AFG1L: variants seen among roughly 807,000 people sequenced by gnomAD.
AFG1L encodes the protein AFG1-like ATPase.
AFG1L carries 53 observed loss-of-function variants against 62.2 expected under a neutral mutation model. The observed-to-expected ratio is 0.85, with a 90% confidence interval of 0.68 to 1.07. The LOEUF (loss-of-function observed/expected upper bound fraction) is 1.07, where lower values mean the gene tolerates loss of function less well. Among genes scored for constraint, AFG1L ranks in the 50% least tolerant of loss-of-function variants. The pLI is 0.00. For synonymous variants in AFG1L, 228 were observed against 210.3 expected, an observed-to-expected ratio of 1.08 and a Z score of -0.73; for missense variants, 555 against 590.5, an observed-to-expected ratio of 0.94 and a Z score of 0.62.
At chr6:108,375,282 A>G (rs1390217076) in intron 6 of AFG1L, among the ~76,000 whole-genome samples, 1 of 152,160 alleles carries the variant, frequency 6.6e-6, no homozygotes, top group African/African-American at 2.4e-5. Flanking sequence ...GAAGAAAAAT[A>G]GTTTGATTTC....
At chr6:108,397,786 A>G (rs1382687469) in intron 6 of AFG1L, among the ~76,000 whole-genome samples, 6 of 152,216 alleles carry the variant, frequency 3.9e-5, no homozygotes, top group African/African-American at 1.2e-4. Context: ...TGCAAGTTCC[A>G]TTCTTTTTTA....
At chr6:108,341,447 A>T (rs1055646420) in intron 2 of AFG1L, among the ~76,000 whole-genome samples, 10 of 152,276 alleles carry the variant, frequency 6.6e-5, no homozygotes, top group Admixed American at 3.9e-4. Flanking sequence ...ATTGGTAAGC[A>T]CATTATGTTT....
At chr6:108,344,536 T>G (rs1162235292) in intron 2 of AFG1L, among the ~76,000 whole-genome samples, 1 of 152,148 alleles carries the variant, frequency 6.6e-6, no homozygotes. Context: ...TAGTATGCTA[T>G]GATCATGCCA....
intron 2 of AFG1L, among the ~76,000 whole-genome samples, chr6:108,334,909 GCC>G (rs1278228879): frequency 6.6e-6 from 1 of 152,054 alleles, no homozygotes; most frequent in Non-Finnish European, 1.5e-5. Flanking sequence ...TGCTAAAGCT[GCC>G]CACCCTCCAT....
chr6:108,477,810 GAA>G (rs1175186821), intron 10 of AFG1L, among the ~76,000 whole-genome samples: 1 of 152,070 alleles, frequency 6.6e-6, no homozygotes, highest in East Asian at 1.9e-4. Flanking sequence ...GTTCAACAGA[GAA>G]AAAATGTTTA....
At chr6:108,369,224 G>A (rs1420066547) in intron 6 of AFG1L, among the ~76,000 whole-genome samples, 2 of 152,140 alleles carry the variant, frequency 1.3e-5, no homozygotes, top group Non-Finnish European at 2.9e-5. Context: ...GGTCCAGGGT[G>A]AGGAGGTGTT....
intron 2 of AFG1L, among the ~76,000 whole-genome samples, chr6:108,333,601 G>A (rs371015811): frequency 7.3e-5 from 11 of 151,682 alleles, no homozygotes; most frequent in Admixed American, 7.2e-4. Context: ...TAATAATAAA[G>A]AATATATAAA....
intron 6 of AFG1L, among the ~76,000 whole-genome samples, chr6:108,377,714 A>G (rs983045668): frequency 1.1e-4 from 16 of 151,534 alleles, no homozygotes; most frequent in African/African-American, 3.6e-4. Flanking sequence ...TATGGTGACT[A>G]TATATGTCTT....
rs146986090 is a variant in AFG1L at position 108,339,708 on chromosome 6, C to T, written c.364-7280C>T. Reference sequence around the variant, plus strand: ...CTCCTGACCTCCCGCCTTGGCCTCCCAAAGTGCTGGATTACAGGTGTGAAC... The same window carrying T: ...CTCCTGACCTCCCGCCTTGGCCTCCTAAAGTGCTGGATTACAGGTGTGAAC... On this transcript the variant is annotated intron_variant, in intron 2 of 12. Coordinates refer to ENST00000368977, the MANE Select transcript of AFG1L (RefSeq NM_145315.5). 2.0e-3 allele frequency among the ~76,000 whole-genome samples: 303 copies of T among 152,122 alleles called. 2 individuals are homozygous for T. The highest frequency in any genetic ancestry group is 6.8e-3 in the African/African-American group (283 of 41,506).
chr6:108,361,707 C>T (rs1779536220), intron 5 of AFG1L, among the ~76,000 whole-genome samples: 1 of 152,160 alleles, frequency 6.6e-6, no homozygotes, highest in South Asian at 2.1e-4. Flanking sequence ...GTTTCCCTCA[C>T]ACCCTAACAT....
At chr6:108,321,956 C>T (rs2114293116) in intron 1 of AFG1L, among the ~76,000 whole-genome samples, 1 of 152,110 alleles carries the variant, frequency 6.6e-6, no homozygotes, top group South Asian at 2.1e-4. Context: ...GGTCATAGCT[C>T]ACTGCAGCCT....
At chr6:108,313,368 T>C (rs1287912759) in intron 1 of AFG1L, among the ~76,000 whole-genome samples, 1 of 152,212 alleles carries the variant, frequency 6.6e-6, no homozygotes, top group Non-Finnish European at 1.5e-5. Context: ...AGGGTAGTTG[T>C]GAAGATCGAA....
Position 108,431,006 on chromosome 6 carries a change from A to G in AFG1L, c.808-16208A>G, listed in dbSNP as rs1037475238. On this transcript the variant is annotated intron_variant, in intron 7 of 12. Transcript: ENST00000368977. ...CTGGCACATAGCTATTAGAATGCAA[A>G]CTAGTACCTTAGATCATTCACATCA... is the stretch of plus-strand genomic sequence containing the variant. Among the ~76,000 whole-genome samples, 12 of 152,366 alleles carry G rather than the reference A, an allele frequency of 7.9e-5. 1 individual carries two copies. The South Asian group carries it at 2.5e-3, about 32-fold the overall frequency.
At position 108,494,630 on chromosome 6, in the gene AFG1L, G is replaced by C. The variant is rs116761774; in HGVS notation, c.1063-15582G>C. On this transcript the variant is annotated intron_variant, in intron 10 of 12. Transcript: ENST00000368977. ...AGAATTGGTGATATTTTCTAGAATGGTGAGATATTTCCCAGCTGGGTGTTT... is the reference window on the plus strand; with the variant it reads ...AGAATTGGTGATATTTTCTAGAATGCTGAGATATTTCCCAGCTGGGTGTTT... 6.3e-4 allele frequency among the ~76,000 whole-genome samples: 96 copies of C among 152,208 alleles called. 1 individual carries two copies. The highest frequency in any genetic ancestry group is 2.2e-3 in the African/African-American group (92 of 41,512).
chr6:108,450,820 C>G (rs1231554591), intron 8 of AFG1L, among the ~76,000 whole-genome samples: 1 of 151,738 alleles, frequency 6.6e-6, no homozygotes, highest in East Asian at 1.9e-4. Flanking sequence ...CTACATATGG[C>G]TAGCCAGTTT....
chr6:108,380,632 A>G (rs1425819669), intron 6 of AFG1L, among the ~76,000 whole-genome samples: 3 of 152,196 alleles, frequency 2.0e-5, no homozygotes, highest in African/African-American at 7.2e-5. Context: ...GCCTGAGACT[A>G]AAATGCCCAT....
At chr6:108,372,900 T>G (rs1466462169) in intron 6 of AFG1L, 1 of 152,776 alleles carries the variant, frequency 6.5e-6, no homozygotes, top group Non-Finnish European at 1.5e-5. Context: ...AGGTCCAGCT[T>G]TGGCATGAGG....
chr6:108,395,224 A>G (rs1332215778), intron 6 of AFG1L, among the ~76,000 whole-genome samples: 1 of 152,076 alleles, frequency 6.6e-6, no homozygotes, highest in African/African-American at 2.4e-5. Flanking sequence ...CCTAATGACC[A>G]TATTTTATTT....
At chr6:108,300,915 G>A (rs1268305452) in intron 1 of AFG1L, among the ~76,000 whole-genome samples, 21 of 152,072 alleles carry the variant, frequency 1.4e-4, no homozygotes, top group Non-Finnish European at 3.1e-4. Context: ...CTTGTGATCC[G>A]CCCGACTTGA....
Sources: allele counts gnomAD v4.1 joint callset (sites outside exome capture counted in the v4.1 genomes callset), GRCh38; gene constraint gnomAD v4.1.1; transcripts MANE v1.5; gene names NCBI Gene and HGNC (gene_info 2026-07-23, HGNC 2026-07-21).